SV2C: variants seen among roughly 807,000 people sequenced by gnomAD.
The protein encoded by SV2C is synaptic vesicle glycoprotein 2C.
SV2C carries 49 observed loss-of-function variants against 79.7 expected under a neutral mutation model. The observed-to-expected ratio is 0.61, with a 90% CI of 0.49 to 0.78. The LOEUF is 0.78. Among genes scored for constraint, SV2C ranks in the 30% least tolerant of loss-of-function variants. SV2C has a pLI of 0.00. For synonymous variants in SV2C, 334 were observed against 333.2 expected, an observed-to-expected ratio of 1.00 and a Z score of -0.03; for missense variants, 833 against 912.9, an observed-to-expected ratio of 0.91 and a Z score of 1.13.
At chr5:76,281,318 C>T (rs34596551) in intron 4 of SV2C, 36,579 of 415,888 alleles carry the variant, frequency 0.088, 1,746 homozygotes, top group Admixed American at 0.15. Context: ...GATTCTAGGA[C>T]GGAAGTTAAG....
the SV2C span, among the ~76,000 whole-genome samples, chr5:75,875,165 A>G: frequency 6.6e-6 from 1 of 152,218 alleles, no homozygotes; most frequent in Non-Finnish European, 1.5e-5. Context: ...CCATCACATT[A>G]ACTGATTTCA....
chr5:76,322,774 C>G (rs927486603), intron 12 of SV2C, among the ~76,000 whole-genome samples: 23 of 152,128 alleles, frequency 1.5e-4, no homozygotes, highest in African/African-American at 5.3e-4. Context: ...CTCACAGAAA[C>G]AAGAGATGGG....
intron 4 of SV2C, among the ~76,000 whole-genome samples, chr5:76,282,214 G>A (rs1412671578): frequency 6.6e-6 from 1 of 152,068 alleles, no homozygotes; most frequent in Non-Finnish European, 1.5e-5. Flanking sequence ...GATATAATAA[G>A]CAAATGATAT....
chr5:76,119,167 T>C (rs57967873), intron 1 of SV2C, among the ~76,000 whole-genome samples: 7,061 of 151,644 alleles, frequency 0.047, 538 homozygotes, highest in African/African-American at 0.16. Context: ...AGGAAAAAAA[T>C]GGTAGAAGAA....
intron 2 of SV2C, among the ~76,000 whole-genome samples, chr5:76,144,586 A>G (rs919828057): frequency 5.3e-5 from 8 of 152,210 alleles, no homozygotes; most frequent in African/African-American, 1.9e-4. Context: ...CTTCTGTGCC[A>G]GGAGGCTCTG....
chr5:76,026,975 G>A, the SV2C span, among the ~76,000 whole-genome samples: 3 of 151,818 alleles, frequency 2.0e-5, no homozygotes, highest in Non-Finnish European at 4.4e-5. Context: ...TTTTCTAAGG[G>A]AATTACTCTG....
chr5:75,873,133 G>A, the SV2C span, among the ~76,000 whole-genome samples: 435 of 152,094 alleles, frequency 2.9e-3, 10 homozygotes, highest in East Asian at 0.035. Flanking sequence ...AAAGAGATAC[G>A]TTGGTAATCT....
At chr5:76,037,531 G>C in the SV2C span, among the ~76,000 whole-genome samples, 2 of 152,160 alleles carry the variant, frequency 1.3e-5, no homozygotes, top group Non-Finnish European at 2.9e-5. Context: ...TGTCCCTGCT[G>C]GGGGGTGCCT....
chr5:75,867,745 G>A, the SV2C span, among the ~76,000 whole-genome samples: 1 of 152,042 alleles, frequency 6.6e-6, no homozygotes, highest in Non-Finnish European at 1.5e-5. Flanking sequence ...TCCCTTCATT[G>A]TCTCTTCTCA....
the SV2C span, among the ~76,000 whole-genome samples, chr5:76,077,246 G>T: frequency 6.6e-6 from 1 of 152,132 alleles, no homozygotes; most frequent in African/African-American, 2.4e-5. Flanking sequence ...AATACAGGGA[G>T]CAGCAGAGCA....
intron 11 of SV2C, 59 bp downstream of exon 11, chr5:76,300,991 G>T: frequency 6.3e-7 from 1 of 1,575,504 alleles, no homozygotes; most frequent in Non-Finnish European, 8.7e-7. Context: ...GAGGGACCCT[G>T]TTTCCCCCTG....
At chr5:76,068,828 CA>C in the SV2C span, among the ~76,000 whole-genome samples, 1 of 151,970 alleles carries the variant, frequency 6.6e-6, no homozygotes, top group Non-Finnish European at 1.5e-5. Flanking sequence ...TTCCTTAGGT[CA>C]CCTTAAAGGA....
chr5:75,923,250 C>G, the SV2C span, among the ~76,000 whole-genome samples: 3 of 152,128 alleles, frequency 2.0e-5, no homozygotes, highest in Non-Finnish European at 4.4e-5. Context: ...AATCTTTCAC[C>G]TCATGCAAAA....
intron 1 of SV2C, among the ~76,000 whole-genome samples, chr5:76,121,514 A>C (rs1354535388): frequency 4.0e-5 from 6 of 151,422 alleles, no homozygotes; most frequent in African/African-American, 1.5e-4. Flanking sequence ...CTAACGTTTA[A>C]GTCTTTAATC....
chr5:75,910,635 A>G, the SV2C span: 1 of 891,148 alleles, frequency 1.1e-6, no homozygotes, highest in Non-Finnish European at 1.9e-6. Context: ...GGTGCCCAAC[A>G]TCACCTGGAT....
chr5:76,013,322 A>C, the SV2C span, among the ~76,000 whole-genome samples: 1 of 152,130 alleles, frequency 6.6e-6, no homozygotes. Flanking sequence ...GGTCCTTCAC[A>C]TCCCTTGTAG....
At chr5:76,129,493 CTTGTT>C (rs887050224) in intron 1 of SV2C, among the ~76,000 whole-genome samples, 1 of 152,124 alleles carries the variant, frequency 6.6e-6, no homozygotes, top group Non-Finnish European at 1.5e-5. Flanking sequence ...TTGTAAAATT[CTTGTT>C]TTATTTTATT....
intron 4 of SV2C, among the ~76,000 whole-genome samples, chr5:76,259,836 C>T (rs944355358): frequency 1.3e-5 from 2 of 152,130 alleles, no homozygotes; most frequent in Admixed American, 6.5e-5. Flanking sequence ...ATTTTTTTAT[C>T]CAGTCTATCA....
the SV2C span, among the ~76,000 whole-genome samples, chr5:75,869,247 G>A: frequency 6.6e-6 from 1 of 152,056 alleles, no homozygotes; most frequent in Non-Finnish European, 1.5e-5. Context: ...ACATTTCTGG[G>A]CCTACCCTAG....
Sources: gnomAD v4.1 joint callset for allele counts (sites outside exome capture counted in the v4.1 genomes callset) on GRCh38, gnomAD v4.1.1 for gene constraint, MANE v1.5 for transcripts, NCBI Gene and HGNC (gene_info 2026-07-23, HGNC 2026-07-21) for gene names.